Variants in NELFA observed in about 807,000 individuals in gnomAD.
The protein encoded by NELFA is negative elongation factor A.
Under a neutral mutation model 51.8 loss-of-function variants are expected in NELFA, and 35 were observed. That is an observed-to-expected ratio of 0.68 (90% CI 0.52 to 0.90). The LOEUF is 0.90. Ranked by LOEUF, NELFA falls within the 40% of genes least tolerant of loss-of-function variation. The pLI, the probability that NELFA is intolerant of heterozygous loss-of-function variation, is 0.00. For missense variants in NELFA, 658 were observed against 746.4 expected, an observed-to-expected ratio of 0.88 and a Z score of 1.38; for synonymous variants, 417 against 338.4, an observed-to-expected ratio of 1.23 and a Z score of -2.55.
intron 1 of NELFA, among the ~76,000 whole-genome samples, chr4:2,000,755 C>G (rs1188777819): frequency 1.3e-5 from 2 of 152,174 alleles, no homozygotes; most frequent in African/African-American, 4.8e-5. Flanking sequence ...TGAAACTATT[C>G]CAAACAATTG....
At chr4:1,984,261 GC>G in intron 8 of NELFA, 148 bp from the exon 9 acceptor site, 1 of 944,318 alleles carries the variant, frequency 1.1e-6, no homozygotes, top group Non-Finnish European at 1.5e-6. Flanking sequence ...CAAGGCACAG[GC>G]CCCAGAAGCC....
At chr4:1,997,858 C>T (rs1478026171) in intron 1 of NELFA, among the ~76,000 whole-genome samples, 2 of 152,088 alleles carry the variant, frequency 1.3e-5, no homozygotes, top group Admixed American at 6.6e-5. Context: ...TGTCAGACAC[C>T]CTATACAGCA....
chr4:1,985,998 G>A (rs1286409126), intron 6 of NELFA, 116 bp downstream of exon 6: 47 of 1,368,456 alleles, frequency 3.4e-5, no homozygotes, highest in East Asian at 2.5e-4. Flanking sequence ...ACCCACCCAC[G>A]GAGAGCAGCC....
At chr4:2,002,028 G>T (rs1259568806) in intron 1 of NELFA, among the ~76,000 whole-genome samples, 1 of 150,914 alleles carries the variant, frequency 6.6e-6, no homozygotes, top group Non-Finnish European at 1.5e-5. Flanking sequence ...GTGAAACCCT[G>T]TCTCTACTAA....
rs577194830 is a variant in NELFA, at chr4:1,985,056, C to T, written c.925-137G>A. ...AGCAGGAAGGCGGGGGCCACTCTCCCGAGCTCCCTGGGCTAGACAACGGGA... is the reference window on the plus strand; with the variant it reads ...AGCAGGAAGGCGGGGGCCACTCTCCTGAGCTCCCTGGGCTAGACAACGGGA... On this transcript the variant is annotated intron_variant, in intron 7 of 10. Coordinates refer to ENST00000382882, the MANE Select transcript of NELFA (RefSeq NM_005663.5). 2.5e-4 allele frequency: 156 copies of T among 633,056 alleles called. 1 individual carries two copies. Among genetic ancestry groups the T allele is most frequent in the East Asian group, 1.8e-3 (60 of 32,936 alleles). 39.2% of individuals were successfully genotyped at this position (633,056 alleles called of 1,614,324 possible). A position where few individuals can be genotyped will look rare whatever the true frequency, so the allele number is the denominator to read the frequency against.
Position 1,989,744 on chromosome 4 carries a change from T to C in NELFA, c.508A>G (p.Lys170Glu). 4.3e-6 allele frequency: 7 copies of C among 1,614,120 alleles called. No individual in the cohort carries two copies. Among genetic ancestry groups the C allele is most frequent in the Non-Finnish European group, 1.7e-6 (2 of 1,180,030 alleles). The change falls in exon 3 of 11, where the codon AAG (lysine) becomes GAG (glutamate). Residue 170 changes from lysine to glutamate, a missense_variant. By Grantham distance (56) the Lys-to-Glu change is moderately conservative. Coordinates refer to ENST00000382882, the MANE Select transcript of NELFA (RefSeq NM_005663.5). This position sits in a 1 kb window ranked among gnomAD's most constrained non-coding sequence, Gnocchi z 4.8. ...VKHFQLKRKPKSATLRAELLQ... is the reference protein window; with the variant it reads ...VKHFQLKRKPESATLRAELLQ... ...AGCTCCGCCCGCAGCGTGGCGCTCT[T>C]GGGTTTCCGCTTTAACTGAAAATGC...
At chr4:1,986,021 GCCCTGCCCGCCGAGCGTGGGCACAA>G (rs1728080926) in intron 6 of NELFA, 68 bp downstream of exon 6, 1 of 1,445,450 alleles carries the variant, frequency 6.9e-7, no homozygotes, top group Non-Finnish European at 9.4e-7. Flanking sequence ...ACGGGGCACA[GCCCTGCCCGCCGAGCGTGGGCACAA>G]CCCACCCCAA....
rs1577607872 is a variant in NELFA at position 1,983,236 on chromosome 4, T to C, written c.*83A>G. 1 of 1,440,434 alleles carries C rather than the reference T, an allele frequency of 6.9e-7. No individual in the cohort carries two copies. The highest frequency in any genetic ancestry group is 9.4e-7 in the Non-Finnish European group (1 of 1,059,572). The allele number at this position is 1,440,434 out of a possible 1,614,324, so 89.2% of individuals were successfully genotyped here. ...GCCGGGGGACCTCGGGGGCCAGGTGTCCGCCATCCGGTTACTTTAAGCTGG... is the reference window on the plus strand; with the variant it reads ...GCCGGGGGACCTCGGGGGCCAGGTGCCCGCCATCCGGTTACTTTAAGCTGG... On this transcript the variant is annotated 3_prime_UTR_variant, in exon 11 of 11. Transcript: ENST00000382882.
intron 1 of NELFA, among the ~76,000 whole-genome samples, chr4:2,006,171 C>A (rs1728704710): frequency 6.6e-6 from 1 of 152,122 alleles, no homozygotes; most frequent in African/African-American, 2.4e-5. Context: ...CAGAGCACAG[C>A]CCAGAAACAC....
chr4:1,985,986 G>A lies in NELFA; in HGVS notation c.836-122C>T, dbSNP rs558317232. 6.0e-6 allele frequency: 8 copies of A among 1,341,656 alleles called. No homozygotes were observed. The East Asian group carries it at 1.8e-4, about 30-fold the overall frequency. The allele number at this position is 1,341,656 out of a possible 1,614,324, so 83.1% of individuals were successfully genotyped here. ...CACCAAGGAGCGAGGAGAAAAGCAG[G>A]CACCCACCCACGGAGAGCAGCCTCA... On this transcript the variant is annotated intron_variant, in intron 6 of 10. Coordinates refer to ENST00000382882, the MANE Select transcript of NELFA (RefSeq NM_005663.5).
At chr4:1,993,091 G>A (rs1218714489) in intron 1 of NELFA, among the ~76,000 whole-genome samples, 1 of 152,238 alleles carries the variant, frequency 6.6e-6, no homozygotes, top group Non-Finnish European at 1.5e-5. Flanking sequence ...AGCCAGTGCG[G>A]CCTCTCCACA....
At chr4:1,986,459 C>A (rs1202473308) in intron 4 of NELFA, 57 bp from the exon 5 acceptor site, 3 of 1,596,686 alleles carry the variant, frequency 1.9e-6, no homozygotes, top group Non-Finnish European at 2.6e-6. Context: ...CGTCCCCCAC[C>A]CCGAGCTCAG....
At chr4:1,983,552 C>T (rs1447856307) in intron 10 of NELFA, 44 bp downstream of exon 10, 1 of 1,612,156 alleles carries the variant, frequency 6.2e-7, no homozygotes, top group Non-Finnish European at 8.5e-7. Flanking sequence ...CACCCGCCCC[C>T]AACCCGGCCC....
At chr4:2,005,293 G>C (rs928326859) in intron 1 of NELFA, among the ~76,000 whole-genome samples, 1 of 152,006 alleles carries the variant, frequency 6.6e-6, no homozygotes, top group Non-Finnish European at 1.5e-5. Flanking sequence ...GAGGGTCCTA[G>C]CCAGTCCAGT....
intron 8 of NELFA, 26 bp from the exon 9 acceptor site, chr4:1,984,139 G>C: frequency 6.0e-6 from 9 of 1,512,194 alleles, no homozygotes; most frequent in East Asian, 2.3e-5. Context: ...GGCCTGGTGA[G>C]GGGGCTGGAC....
chr4:1,987,755 C>G, intron 4 of NELFA, 163 bp downstream of exon 4: 2 of 599,048 alleles, frequency 3.3e-6, no homozygotes, highest in South Asian at 4.4e-5. Context: ...AGGGGAGAAG[C>G]CGGTGAAATT....
chr4:1,984,047 G>T lies in NELFA; in HGVS notation c.1103C>A (p.Ala368Glu). The T allele has an allele frequency of 6.2e-7, 1 of 1,605,100 alleles. No homozygotes were observed. Residue 368 changes from alanine (A) to glutamate (E), a missense_variant, in exon 9 of 11, where the codon GCG (alanine) becomes GAG (glutamate). Around this residue, in one of 3 missense-constraint regions of NELFA, gnomAD observed 200 missense variants for 167.9 expected, o/e 1.19. Transcript: ENST00000382882. Reference sequence around the variant, plus strand: ...CATGGGCGCCCGCTGCTTGAACTGCGCTGGCAACGTGGGGCTCGGGGCGCT... The same window carrying T: ...CATGGGCGCCCGCTGCTTGAACTGCTCTGGCAACGTGGGGCTCGGGGCGCT... ...EPSAPSPTLP[A>E]QFKQRAPMYN...
At chr4:1,986,844 C>T (rs939031777) in intron 4 of NELFA, among the ~76,000 whole-genome samples, 1 of 152,182 alleles carries the variant, frequency 6.6e-6, no homozygotes, top group Non-Finnish European at 1.5e-5. Flanking sequence ...CCCTCCAAGG[C>T]GTGCGTGGCT....
At chr4:1,988,264 G>A in intron 3 of NELFA, among the ~76,000 whole-genome samples, 1 of 152,216 alleles carries the variant, frequency 6.6e-6, no homozygotes, top group Non-Finnish European at 1.5e-5. Flanking sequence ...CAGGGGGGAG[G>A]CAGCCGAGGA....
Sources: allele counts gnomAD v4.1 joint callset (sites outside exome capture counted in the v4.1 genomes callset), GRCh38; gene constraint gnomAD v4.1.1; regional missense constraint gnomAD v4.1.1; non-coding constraint Gnocchi (gnomAD v3.1); transcripts MANE v1.5; gene names NCBI Gene and HGNC (gene_info 2026-07-23, HGNC 2026-07-21).